The following CTNNA2 variants were observed in gnomAD, a reference collection of about 807,000 sequenced individuals.
CTNNA2 encodes catenin alpha-2.
Under a neutral mutation model 101.0 loss-of-function variants are expected in CTNNA2, and 42 were observed. The ratio of observed to expected loss-of-function variants is 0.42; its 90% CI spans 0.32 to 0.54. The LOEUF is 0.54. Among genes scored for constraint, CTNNA2 ranks in the 20% least tolerant of loss-of-function variants. The pLI is 0.14. For missense variants in CTNNA2, 871 were observed against 1,223.1 expected, an observed-to-expected ratio of 0.71 and a Z score of 4.29; for synonymous variants, 450 against 456.4, an observed-to-expected ratio of 0.99 and a Z score of 0.18.
At chr2:79,592,737 C>G (rs1396018824) in intron 1 of CTNNA2, among the ~76,000 whole-genome samples, 1 of 152,138 alleles carries the variant, frequency 6.6e-6, no homozygotes, top group Non-Finnish European at 1.5e-5. Context: ...CTACAGTGCC[C>G]AGTCCTCTGC....
chr2:79,573,278 C>T (rs1438253607), intron 1 of CTNNA2, among the ~76,000 whole-genome samples: 6 of 152,160 alleles, frequency 3.9e-5, no homozygotes, highest in Admixed American at 1.3e-4. Context: ...GTCTCCATAA[C>T]GATAGGCAAC....
intron 18 of CTNNA2, among the ~76,000 whole-genome samples, chr2:80,631,681 A>C (rs1672310796): frequency 6.6e-6 from 1 of 152,154 alleles, no homozygotes. Flanking sequence ...GCTTATTAGG[A>C]GAACCACCTT....
chr2:80,615,492 G>T (rs1411188684), intron 17 of CTNNA2, among the ~76,000 whole-genome samples: 1 of 151,522 alleles, frequency 6.6e-6, no homozygotes, highest in East Asian at 2.0e-4. Context: ...TCATGAAAAG[G>T]ATAAATTTTT....
chr2:79,546,763 T>C (rs989296668), intron 1 of CTNNA2, among the ~76,000 whole-genome samples: 5 of 152,214 alleles, frequency 3.3e-5, no homozygotes, highest in African/African-American at 1.2e-4. Flanking sequence ...TGATTGATTG[T>C]ACATTATTGC....
chr2:79,510,583 A>G (rs910834652), upstream of CTNNA2, among the ~76,000 whole-genome samples: 2 of 152,230 alleles, frequency 1.3e-5, no homozygotes, highest in African/African-American at 4.8e-5. Flanking sequence ...GCAGGGAACA[A>G]AAATCTCAGC....
At chr2:79,982,358 CTATATAACATA>C (rs1457449571) in intron 7 of CTNNA2, among the ~76,000 whole-genome samples, 21 of 132,500 alleles carry the variant, frequency 1.6e-4, no homozygotes, top group Admixed American at 6.1e-4. Flanking sequence ...CCTATATAAC[CTATATAACATA>C]TATATAACAT....
intron 7 of CTNNA2, among the ~76,000 whole-genome samples, chr2:80,384,493 G>A (rs1295032343): frequency 2.6e-5 from 4 of 151,546 alleles, no homozygotes; most frequent in African/African-American, 7.3e-5. Context: ...AAGAATTCAG[G>A]AATACTGAGC....
intron 7 of CTNNA2, among the ~76,000 whole-genome samples, chr2:80,221,519 G>A (rs1708575809): frequency 1.3e-5 from 2 of 152,176 alleles, no homozygotes; most frequent in African/African-American, 4.8e-5. Flanking sequence ...AGTGAAAGGT[G>A]ATTTACCAAT....
chr2:80,603,715 T>G (rs1697756786), intron 15 of CTNNA2: 1 of 174,762 alleles, frequency 5.7e-6, no homozygotes, highest in Admixed American at 6.1e-5. Flanking sequence ...ATACCTACTT[T>G]GTAGAGTTGT....
rs533609950 is a variant in CTNNA2, at chr2:79,414,262, G to A, written c.-135+40249G>A. ...AGTTACAATCTAAGGCTAGTTTTACGACTAATAAATTCTACATTCTAAGAA... is the reference window on the plus strand; with the variant it reads ...AGTTACAATCTAAGGCTAGTTTTACAACTAATAAATTCTACATTCTAAGAA... On this transcript the variant is annotated intron_variant, in intron 4 of 21. Transcript: ENST00000466387. Among the ~76,000 whole-genome samples the A allele has an allele frequency of 1.3e-4, 19 of 151,840 alleles. No individual in the cohort carries two copies. The South Asian group carries it at 2.5e-3, about 20-fold the overall frequency.
At chr2:80,146,263 G>A (rs1703327429) in intron 7 of CTNNA2, among the ~76,000 whole-genome samples, 1 of 152,176 alleles carries the variant, frequency 6.6e-6, no homozygotes, top group Non-Finnish European at 1.5e-5. Context: ...GCTGTCCCTG[G>A]CGAACTCTGC....
At chr2:79,924,312 G>A (rs1257067145) in intron 7 of CTNNA2, among the ~76,000 whole-genome samples, 3 of 152,066 alleles carry the variant, frequency 2.0e-5, no homozygotes, top group Non-Finnish European at 4.4e-5. Flanking sequence ...AGTATAAATT[G>A]TGTTGTTCTG....
At chr2:80,470,814 T>C (rs562936011) in intron 9 of CTNNA2, among the ~76,000 whole-genome samples, 1 of 152,230 alleles carries the variant, frequency 6.6e-6, no homozygotes, top group Admixed American at 6.5e-5. Flanking sequence ...ATAATAGTGA[T>C]AAAGTCATGC....
intron 2 of CTNNA2, among the ~76,000 whole-genome samples, chr2:79,238,169 G>T (rs548275739): frequency 5.6e-4 from 85 of 152,182 alleles, no homozygotes; most frequent in Middle Eastern, 3.4e-3. Context: ...TCACTGTAGG[G>T]CTATTAATTG....
At chr2:79,983,582 A>G (rs1459927677) in intron 7 of CTNNA2, among the ~76,000 whole-genome samples, 1 of 152,162 alleles carries the variant, frequency 6.6e-6, no homozygotes, top group East Asian at 1.9e-4. Flanking sequence ...AGGCCCAGTT[A>G]AGAACAAGCT....
intron 4 of CTNNA2, among the ~76,000 whole-genome samples, 161 bp from the exon 5 acceptor site, chr2:79,869,655 G>T (rs1035318500): frequency 6.6e-6 from 1 of 152,060 alleles, no homozygotes; most frequent in African/African-American, 2.4e-5. Context: ...TATTTAATCT[G>T]ACTACACATG....
At chr2:79,406,878 A>C (rs1376619) in intron 4 of CTNNA2, among the ~76,000 whole-genome samples, 1 of 151,606 alleles carries the variant, frequency 6.6e-6, no homozygotes, top group African/African-American at 2.4e-5. Flanking sequence ...AATTTTTCCA[A>C]TGTTGTTTAT....
chr2:80,019,552 A>G (rs1376803992), intron 7 of CTNNA2, among the ~76,000 whole-genome samples: 1 of 152,210 alleles, frequency 6.6e-6, no homozygotes, highest in Non-Finnish European at 1.5e-5. Flanking sequence ...TTTTCAAGCC[A>G]AAATGTGATT....
intron 15 of CTNNA2, 109 bp downstream of exon 15, chr2:80,589,594 G>C (rs962096227): frequency 2.0e-6 from 2 of 991,136 alleles, no homozygotes; most frequent in Non-Finnish European, 2.9e-6. Context: ...ACCAACGCAA[G>C]GTGGTGGTAT....
Sources: gnomAD v4.1 joint callset for allele counts (sites outside exome capture counted in the v4.1 genomes callset) on GRCh38, gnomAD v4.1.1 for gene constraint, MANE v1.5 for transcripts, NCBI Gene and HGNC (gene_info 2026-07-23, HGNC 2026-07-21) for gene names.